TAF9: variants seen among roughly 807,000 people sequenced by gnomAD.
TAF9 encodes TATA-box binding protein associated factor 9, also known as transcription initiation factor TFIID subunit 9.
TAF9 carries 10 observed loss-of-function variants against 16.5 expected under a neutral mutation model. The ratio of observed to expected loss-of-function variants is 0.61; its 90% CI spans 0.37 to 1.03. TAF9 has a LOEUF of 1.03. TAF9 is among the 50% of genes least tolerant of loss of function. The probability of loss-of-function intolerance (pLI) is 0.01; values close to 1 mark genes in which losing one functional copy is unlikely to be tolerated. For missense variants in TAF9, 288 were observed against 319.1 expected, an observed-to-expected ratio of 0.90 and a Z score of 0.74; for synonymous variants, 105 against 120.5, an observed-to-expected ratio of 0.87 and a Z score of 0.84.
At chr5:69,369,524 C>G (rs4252218), upstream of TAF9, 4 of 1,611,356 alleles carry the variant, frequency 2.5e-6, no homozygotes, top group Non-Finnish European at 3.4e-6. Flanking sequence ...GCGCCTCGCT[C>G]ACGTGCCCTT....
At chr5:69,369,813 A>C (rs1417783259), upstream of TAF9, 9 of 1,126,168 alleles carry the variant, frequency 8.0e-6, no homozygotes, top group East Asian at 1.9e-4. Context: ...GGTCCCCGGG[A>C]GGCCGTACCT....
Position 69,365,188 on chromosome 5 carries a change from C to A in TAF9, c.550G>T (p.Gly184Cys). ...GGCATCTGTACTGTAAACCTTTGACCTGTGAGGGACATGGGAGTCCCTACT... is the reference window on the plus strand; with the variant it reads ...GGCATCTGTACTGTAAACCTTTGACATGTGAGGGACATGGGAGTCCCTACT... Reference protein sequence around the residue: ...TKVGTPMSLTGQRFTVQMPTS... With the variant: ...TKVGTPMSLTCQRFTVQMPTS... The change falls in exon 3 of 3, where the codon GGT becomes TGT. Residue 184 changes from glycine to cysteine, a missense_variant. Gly to Cys is a radical substitution (Grantham distance 159). Coordinates refer to ENST00000217893, the MANE Select transcript of TAF9 (RefSeq NM_003187.5). 11 of 1,614,206 alleles carry A rather than the reference C, an allele frequency of 6.8e-6. No individual in the cohort carries two copies. Among genetic ancestry groups the A allele is most frequent in the Non-Finnish European group, 8.5e-6 (10 of 1,180,038 alleles).
At position 69,365,439 on chromosome 5, in the gene TAF9, T is replaced by C. The variant is rs1423921302; in HGVS notation, c.299A>G (p.Asn100Ser). ...DFLLDIARQR[N>S]QTPLPLIKPY... ...CTTGATCAATGGCAAAGGGGTTTGA[T>C]TTCTTTGCCTTGCAATATCTAATAA... The change falls in exon 3 of 3, where the codon AAT becomes AGT. Residue 100 changes from asparagine to serine, a missense_variant. Transcript: ENST00000217893. The C allele has an allele frequency of 1.9e-6, 3 of 1,614,248 alleles. No homozygotes were observed. The Admixed American group carries it at 5.0e-5, about 27-fold the overall frequency.
At chr5:69,369,214 C>A in intron 1 of TAF9, 1 of 477,522 alleles carries the variant, frequency 2.1e-6, no homozygotes, top group Non-Finnish European at 3.6e-6. Context: ...CTGGATCTGC[C>A]GACCTCTCTC....
chr5:69,368,283 T>C (rs1256862310), intron 1 of TAF9, among the ~76,000 whole-genome samples: 1 of 152,200 alleles, frequency 6.6e-6, no homozygotes, highest in African/African-American at 2.4e-5. Context: ...CATTTCAAGA[T>C]CATCAAATTC....
intron 2 of TAF9, 126 bp downstream of exon 2, chr5:69,366,377 C>T (rs1762425671): frequency 4.2e-6 from 3 of 708,334 alleles, no homozygotes; most frequent in South Asian, 3.6e-5. Flanking sequence ...GATTCCCTAA[C>T]AGAGTATATA....
At chr5:69,369,743 G>A, upstream of TAF9, 2 of 1,532,084 alleles carry the variant, frequency 1.3e-6, no homozygotes, top group South Asian at 2.4e-5. Context: ...TGCGCTGGAT[G>A]CCTAAGTCAC....
Position 69,365,272 on chromosome 5 carries a change from T to C in TAF9, c.466A>G (p.Arg156Gly). The C allele has an allele frequency of 6.2e-7, 1 of 1,614,242 alleles. No homozygotes were observed. The highest frequency in any genetic ancestry group is 2.2e-5 in the East Asian group (1 of 44,892). The change falls in exon 3 of 3, where the codon AGA becomes GGA. Residue 156 changes from arginine to glycine, a missense_variant. By Grantham distance (125) the Arg-to-Gly change is moderately radical. Transcript: ENST00000217893. ...PRLSVGSVTSRPSTPTLGTPT... is the reference protein window; with the variant it reads ...PRLSVGSVTSGPSTPTLGTPT... ...GTGCCTAGTGTGGGAGTACTTGGTC[T>C]GCTAGTAACTGAACCAACACTTAAC...
chr5:69,369,348 C>T, intron 1 of TAF9, 115 bp downstream of exon 1: 1 of 1,210,132 alleles, frequency 8.3e-7, no homozygotes, highest in Non-Finnish European at 1.1e-6. Flanking sequence ...CCTCGTGGCC[C>T]TCGGCCGGCC....
At chr5:69,365,880 A>C in intron 2 of TAF9, 126 bp from the exon 3 acceptor site, 1 of 618,358 alleles carries the variant, frequency 1.6e-6, no homozygotes, top group Non-Finnish European at 2.5e-6. Flanking sequence ...TTAAAATTTA[A>C]ACCATATGTT....
At chr5:69,368,160 CAT>C (rs1004614402) in intron 1 of TAF9, among the ~76,000 whole-genome samples, 1 of 152,130 alleles carries the variant, frequency 6.6e-6, no homozygotes, top group African/African-American at 2.4e-5. Flanking sequence ...TGTAAATGTA[CAT>C]ATATGTACAT....
At position 69,365,300 on chromosome 5, in the gene TAF9, C is replaced by T. The variant is rs150848424; in HGVS notation, c.438G>A (p.Pro146=). 9.2e-4 allele frequency: 1,492 copies of T among 1,614,102 alleles called. 7 individuals are homozygous for T. Among genetic ancestry groups the T allele is most frequent in the Middle Eastern group, 8.9e-3 (54 of 6,062 alleles). Residue 146 remains proline (P), a synonymous_variant, in exon 3 of 3, where the codon CCG becomes CCA. Transcript: ENST00000217893. ...TAGTAACTGAACCAACACTTAACCG[C>T]GGGACTGTTATTCTTCCCGCAGAAG... ...ASTSAGRITV[P]RLSVGSVTSR...
chr5:69,369,817 C>T (rs1017128396), upstream of TAF9: 66 of 1,098,136 alleles, frequency 6.0e-5, no homozygotes, highest in African/African-American at 5.1e-4. Context: ...CCCGGGAGGC[C>T]GTACCTCCGA....
chr5:69,367,082 G>A (rs909121786), intron 1 of TAF9, among the ~76,000 whole-genome samples: 1 of 152,108 alleles, frequency 6.6e-6, no homozygotes, highest in East Asian at 1.9e-4. Flanking sequence ...CATGTACTAC[G>A]ATCTAATAAA....
chr5:69,366,761 T>TA (rs1264384415), intron 1 of TAF9, 166 bp from the exon 2 acceptor site: 18 of 600,968 alleles, frequency 3.0e-5, no homozygotes, highest in Non-Finnish European at 5.0e-5. Flanking sequence ...CAATCATATG[T>TA]AAAATTTTTT....
chr5:69,369,800 G>C, upstream of TAF9: 1 of 1,292,978 alleles, frequency 7.7e-7, no homozygotes, highest in Non-Finnish European at 1.1e-6. Context: ...GACCAGTCTG[G>C]AAGGTCCCCG....
At chr5:69,368,728 T>C (rs903373940) in intron 1 of TAF9, 5 of 152,186 alleles carry the variant, frequency 3.3e-5, no homozygotes, top group African/African-American at 1.2e-4. Flanking sequence ...ACGAATGGCC[T>C]ACAATTTGAT....
chr5:69,365,615 C>T lies in TAF9; in HGVS notation c.123G>A (p.Glu41=), dbSNP rs751326519. ...TTGTGGTCACATATCGGAAGGCAAA[C>T]TCCAACATCTGATTTATAACTCTTG... is the stretch of plus-strand genomic sequence containing the variant. ...YEPRVINQML[E]FAFRYVTTIL... is the part of the protein sequence containing the mutation. Residue 41 remains glutamate, a synonymous_variant, in exon 3 of 3, where the codon GAG becomes GAA. Coordinates refer to ENST00000217893, the MANE Select transcript of TAF9 (RefSeq NM_003187.5). 2.9e-4 allele frequency: 470 copies of T among 1,613,988 alleles called. No individual in the cohort carries two copies. Among genetic ancestry groups the T allele is most frequent in the Non-Finnish European group, 3.9e-4 (463 of 1,180,018 alleles).
upstream of TAF9, chr5:69,369,596 C>T: frequency 6.3e-7 from 1 of 1,591,276 alleles, no homozygotes. Flanking sequence ...CCCAAAGGCC[C>T]CGAAGCCCAC....
Sources: gnomAD v4.1 joint callset for allele counts (sites outside exome capture counted in the v4.1 genomes callset) on GRCh38, gnomAD v4.1.1 for gene constraint, MANE v1.5 for transcripts, NCBI Gene and HGNC (gene_info 2026-07-23, HGNC 2026-07-21) for gene names.